ATXN1: variants seen among roughly 807,000 people sequenced by gnomAD.
ATXN1 encodes ataxin-1.
A neutral mutation model predicts 56.4 loss-of-function variants in ATXN1; 8 were observed. The observed-to-expected ratio is 0.14, with a 90% CI of 0.08 to 0.26. ATXN1 has a LOEUF of 0.26. Among genes scored for constraint, ATXN1 ranks in the 10% least tolerant of loss-of-function variants. ATXN1 has a pLI of 1.00. For synonymous variants in ATXN1, 514 were observed against 494.6 expected (o/e 1.04, Z -0.52); for missense variants, 987 against 1,106.5 (o/e 0.89, Z 1.53).
intron 1 of ATXN1, chr6:16,754,134 C>T (rs1014942028): frequency 1.3e-5 from 2 of 152,136 alleles, no homozygotes; most frequent in Admixed American, 1.3e-4. Flanking sequence ...GATCTGCTAA[C>T]GTATTTTTTT....
intron 3 of ATXN1, among the ~76,000 whole-genome samples, chr6:16,606,144 T>A (rs1162406920): frequency 6.8e-6 from 1 of 146,904 alleles, no homozygotes; most frequent in Non-Finnish European, 1.5e-5. Flanking sequence ...CGAGACCCTG[T>A]CTCAAAAACA....
At chr6:16,708,030 A>T (rs1325257664) in intron 2 of ATXN1, among the ~76,000 whole-genome samples, 1 of 152,228 alleles carries the variant, frequency 6.6e-6, no homozygotes, top group Non-Finnish European at 1.5e-5. Context: ...AGACAAGTAC[A>T]GAGCTATGCA....
intron 1 of ATXN1, chr6:16,761,076 A>G (rs1581434052): frequency 2.8e-6 from 1 of 356,524 alleles, no homozygotes; most frequent in Non-Finnish European, 5.5e-6. Flanking sequence ...ACACACACAC[A>G]CACACACACA....
At chr6:16,690,328 C>T (rs1290605052) in intron 2 of ATXN1, among the ~76,000 whole-genome samples, 1 of 151,846 alleles carries the variant, frequency 6.6e-6, no homozygotes, top group Non-Finnish European at 1.5e-5. Flanking sequence ...CAGCAACCTG[C>T]CTTCCTTCAA....
At chr6:16,562,488 A>AGGAG (rs1762141430) in intron 4 of ATXN1, among the ~76,000 whole-genome samples, 11 of 116,946 alleles carry the variant, frequency 9.4e-5, no homozygotes, top group African/African-American at 2.7e-4. Context: ...GAGGAGAGGA[A>AGGAG]AGGAAAGGAA....
chr6:16,581,012 C>T (rs1762517228), intron 4 of ATXN1, among the ~76,000 whole-genome samples: 1 of 151,940 alleles, frequency 6.6e-6, no homozygotes, highest in Admixed American at 6.6e-5. Flanking sequence ...ACATTTCAAC[C>T]TTTTTCATTT....
At chr6:16,307,389 C>T (rs939749200) in intron 7 of ATXN1, among the ~76,000 whole-genome samples, 16 of 152,202 alleles carry the variant, frequency 1.1e-4, no homozygotes, top group African/African-American at 3.4e-4. Context: ...TGCTTGGTGG[C>T]TGGGCACAGT....
At chr6:16,566,589 C>T (rs923005690) in intron 4 of ATXN1, among the ~76,000 whole-genome samples, 1 of 152,064 alleles carries the variant, frequency 6.6e-6, no homozygotes, top group Non-Finnish European at 1.5e-5. Flanking sequence ...CGCGGTGGCT[C>T]ACGACTGTAA....
intron 6 of ATXN1, among the ~76,000 whole-genome samples, chr6:16,383,862 C>T (rs1758184834): frequency 6.6e-6 from 1 of 152,212 alleles, no homozygotes; most frequent in South Asian, 2.1e-4. Context: ...GGATACTTCA[C>T]TTTGCTCTCA....
At chr6:16,658,586 C>T (rs1198932006) in intron 2 of ATXN1, among the ~76,000 whole-genome samples, 2 of 152,240 alleles carry the variant, frequency 1.3e-5, no homozygotes, top group Non-Finnish European at 2.9e-5. Flanking sequence ...ACATTAGAAC[C>T]TCGTCTGACA....
intron 6 of ATXN1, among the ~76,000 whole-genome samples, chr6:16,453,987 A>C (rs1759810185): frequency 6.6e-6 from 1 of 152,006 alleles, no homozygotes; most frequent in African/African-American, 2.4e-5. Flanking sequence ...CTAAAACTAC[A>C]AAAAAGGTTA....
At chr6:16,334,216 G>C (rs1444735241) in intron 6 of ATXN1, among the ~76,000 whole-genome samples, 1 of 152,136 alleles carries the variant, frequency 6.6e-6, no homozygotes, top group Non-Finnish European at 1.5e-5. Context: ...TTAAGAAGCC[G>C]GAAGTGATGG....
intron 6 of ATXN1, among the ~76,000 whole-genome samples, chr6:16,398,001 A>G (rs577556696): frequency 1.3e-5 from 2 of 152,352 alleles, no homozygotes; most frequent in African/African-American, 2.4e-5. Context: ...TTGCATAGAC[A>G]GGACTCAAAT....
At chr6:16,457,937 G>A (rs1759912766) in intron 6 of ATXN1, among the ~76,000 whole-genome samples, 1 of 152,158 alleles carries the variant, frequency 6.6e-6, no homozygotes, top group South Asian at 2.1e-4. Context: ...CTCTCTCTCT[G>A]AATTAAAGCA....
intron 6 of ATXN1, among the ~76,000 whole-genome samples, chr6:16,459,839 G>A (rs10949359): frequency 0.42 from 63,901 of 151,924 alleles, 14,555 homozygotes; most frequent in East Asian, 0.81. Flanking sequence ...CTACCAGTTC[G>A]GAAGCTTCAT....
chr6:16,433,294 T>C (rs144015332), intron 6 of ATXN1, among the ~76,000 whole-genome samples: 3 of 152,254 alleles, frequency 2.0e-5, no homozygotes, highest in East Asian at 3.9e-4. Flanking sequence ...CAAGAGGTAA[T>C]TGGTGATCCA....
intron 2 of ATXN1, among the ~76,000 whole-genome samples, chr6:16,707,192 A>G (rs1055516401): frequency 6.6e-6 from 1 of 152,068 alleles, no homozygotes; most frequent in Non-Finnish European, 1.5e-5. Context: ...TACTATTTCT[A>G]TACTAGGACA....
chr6:16,729,933 C>T (rs1211278691), intron 2 of ATXN1, among the ~76,000 whole-genome samples: 1 of 152,088 alleles, frequency 6.6e-6, no homozygotes, highest in Non-Finnish European at 1.5e-5. Flanking sequence ...CTTCCTTTTT[C>T]CCCAAATGAA....
chr6:16,600,315 A>C (rs1428646184), intron 3 of ATXN1, among the ~76,000 whole-genome samples: 1 of 152,224 alleles, frequency 6.6e-6, no homozygotes, highest in East Asian at 1.9e-4. Context: ...TTGGAGCAAC[A>C]CATCACTGAT....
Sources: allele counts gnomAD v4.1 joint callset (sites outside exome capture counted in the v4.1 genomes callset), GRCh38; gene constraint gnomAD v4.1.1; transcripts MANE v1.5; gene names NCBI Gene and HGNC (gene_info 2026-07-23, HGNC 2026-07-21).